MBOAT1: variants seen among roughly 807,000 people sequenced by gnomAD.
The protein encoded by MBOAT1 is membrane-bound glycerophospholipid O-acyltransferase 1.
Under a neutral mutation model 64.4 loss-of-function variants are expected in MBOAT1, and 67 were observed. The ratio of observed to expected loss-of-function variants is 1.04; its 90% CI spans 0.85 to 1.27. The LOEUF (loss-of-function observed/expected upper bound fraction) is 1.27. MBOAT1 is among the 50% of genes most tolerant of loss of function. The probability of loss-of-function intolerance (pLI) is 0.00; values close to 1 mark genes in which losing one functional copy is unlikely to be tolerated. For missense variants in MBOAT1, 563 were observed against 604.6 expected (o/e 0.93, Z 0.72); for synonymous variants, 229 against 218.9 (o/e 1.05, Z -0.41).
chr6:20,191,514 G>A (rs531507657), intron 1 of MBOAT1, among the ~76,000 whole-genome samples: 4 of 152,290 alleles, frequency 2.6e-5, no homozygotes, highest in African/African-American at 9.6e-5. Flanking sequence ...ACCTCAGTTT[G>A]CCAGTGTCCC....
chr6:20,110,139 G>A (rs1760091646), intron 11 of MBOAT1, among the ~76,000 whole-genome samples: 2 of 151,404 alleles, frequency 1.3e-5, no homozygotes, highest in Admixed American at 1.3e-4. Flanking sequence ...TCGAATTCCT[G>A]ACCTTGTGAT....
At chr6:20,175,934 C>A (rs369033317) in intron 1 of MBOAT1, among the ~76,000 whole-genome samples, 175 of 152,238 alleles carry the variant, frequency 1.1e-3, no homozygotes, top group African/African-American at 4.1e-3. Context: ...AATATATATA[C>A]TTTTCTCTTC....
intron 5 of MBOAT1, 88 bp from the exon 6 acceptor site, chr6:20,128,841 C>A: frequency 2.2e-6 from 2 of 898,746 alleles, no homozygotes; most frequent in South Asian, 1.7e-5. Context: ...GTCATTTGAA[C>A]CAGGTAATCT....
rs931639549 is a variant in MBOAT1 at position 20,100,645 on chromosome 6, A to C, written c.*1641T>G. On this transcript the variant is annotated 3_prime_UTR_variant, in exon 13 of 13. Transcript: ENST00000324607. Reference sequence around the variant, plus strand: ...ATCCTAAGAGAAGCAGCAGTAGGACACCTTATGGACCTGTGTCTCTATTGA... The same window carrying C: ...ATCCTAAGAGAAGCAGCAGTAGGACCCCTTATGGACCTGTGTCTCTATTGA... Among the ~76,000 whole-genome samples the C allele has an allele frequency of 2.0e-5, 3 of 152,162 alleles. No homozygotes were observed. The highest frequency in any genetic ancestry group is 6.5e-5 in the Admixed American group (1 of 15,290).
At chr6:20,118,088 G>A (rs928837236) in intron 9 of MBOAT1, among the ~76,000 whole-genome samples, 10 of 152,096 alleles carry the variant, frequency 6.6e-5, no homozygotes, top group East Asian at 1.9e-4. Flanking sequence ...GTCTACATTC[G>A]TCACTGAAAT....
chr6:20,189,250 T>C (rs1263214633), intron 1 of MBOAT1, among the ~76,000 whole-genome samples: 2 of 152,234 alleles, frequency 1.3e-5, no homozygotes, highest in Admixed American at 6.5e-5. Flanking sequence ...TTAATTTTCA[T>C]ATTTTCACTT....
chr6:20,126,790 G>A, intron 6 of MBOAT1, 90 bp from the exon 7 acceptor site: 1 of 928,438 alleles, frequency 1.1e-6, no homozygotes, highest in Non-Finnish European at 1.6e-6. Flanking sequence ...TGTTATCTCT[G>A]TAGATTCGAT....
intron 1 of MBOAT1, among the ~76,000 whole-genome samples, chr6:20,202,605 G>C (rs145502531): frequency 1.4e-5 from 2 of 148,008 alleles, no homozygotes; most frequent in Non-Finnish European, 3.0e-5. Flanking sequence ...TTTATCAAGG[G>C]CTTTTTTTTT....
At chr6:20,163,617 A>G (rs1581435762) in intron 1 of MBOAT1, among the ~76,000 whole-genome samples, 1 of 152,132 alleles carries the variant, frequency 6.6e-6, no homozygotes, top group Non-Finnish European at 1.5e-5. Context: ...CTCAGGCACA[A>G]CCTTCTCGCA....
At chr6:20,115,882 G>C (rs993890270) in intron 9 of MBOAT1, among the ~76,000 whole-genome samples, 1 of 151,882 alleles carries the variant, frequency 6.6e-6, no homozygotes, top group South Asian at 2.1e-4. Flanking sequence ...ATGCATGAAG[G>C]CATCACAGTA....
At chr6:20,110,544 A>ATAT (rs1412966676) in intron 11 of MBOAT1, among the ~76,000 whole-genome samples, 2 of 151,726 alleles carry the variant, frequency 1.3e-5, no homozygotes, top group Non-Finnish European at 2.9e-5. Context: ...AATAATAATA[A>ATAT]TAATAATATG....
At chr6:20,157,337 A>G (rs1217404990) in intron 1 of MBOAT1, among the ~76,000 whole-genome samples, 2 of 152,166 alleles carry the variant, frequency 1.3e-5, no homozygotes, top group Non-Finnish European at 2.9e-5. Flanking sequence ...AAAATGAAAA[A>G]CATTTGAGAT....
At chr6:20,203,087 T>C (rs1763167439) in intron 1 of MBOAT1, among the ~76,000 whole-genome samples, 4 of 152,194 alleles carry the variant, frequency 2.6e-5, no homozygotes, top group African/African-American at 9.7e-5. Context: ...GAGGATCACT[T>C]AAGCCCAGGA....
At chr6:20,168,645 G>GAGAAGAGAAGAGAAGAGAAGAGAAGAGAA (rs1561773422) in intron 1 of MBOAT1, among the ~76,000 whole-genome samples, 4 of 89,104 alleles carry the variant, frequency 4.5e-5, no homozygotes, top group African/African-American at 2.3e-4. Context: ...AGAGAAGAGA[G>GAGAAGAGAAGAGAAGAGAAGAGAAGAGAA]GAGAGGAGAG....
chr6:20,108,440 A>G (rs1365025215), intron 12 of MBOAT1, among the ~76,000 whole-genome samples: 1 of 152,190 alleles, frequency 6.6e-6, no homozygotes, highest in Non-Finnish European at 1.5e-5. Flanking sequence ...CCTAGTATAA[A>G]AGCATATATT....
At chr6:20,160,234 T>G (rs1263755960) in intron 1 of MBOAT1, among the ~76,000 whole-genome samples, 3 of 152,244 alleles carry the variant, frequency 2.0e-5, no homozygotes, top group African/African-American at 7.2e-5. Context: ...TTTGGGGATT[T>G]CTGTTCCATG....
intron 9 of MBOAT1, among the ~76,000 whole-genome samples, chr6:20,116,192 C>T (rs1321773784): frequency 6.6e-6 from 1 of 151,888 alleles, no homozygotes; most frequent in Non-Finnish European, 1.5e-5. Flanking sequence ...GTTAGCCGGG[C>T]CTGGTAGCAG....
At position 20,124,408 on chromosome 6, in the gene MBOAT1, C is replaced by A; in HGVS notation, c.907G>T (p.Ala303Ser). Residue 303 changes from alanine to serine, a missense_variant and splice_region_variant, in exon 8 of 13, where the codon GCT (alanine) becomes TCT (serine). By Grantham distance (99) the Ala-to-Ser change is moderately conservative. Transcript: ENST00000324607. ...KPKYYFAWTL[A>S]DAVNNAAGFG... ...GTTACAGCTACTCCATCAAACTTAC[C>A]TAATGTCCATGCAAAGTAATACTTG... 1 of 1,613,282 alleles carries A rather than the reference C, an allele frequency of 6.2e-7. No individual in the cohort carries two copies. The highest frequency in any genetic ancestry group is 1.1e-5 in the South Asian group (1 of 90,904).
intron 6 of MBOAT1, among the ~76,000 whole-genome samples, chr6:20,128,229 T>C (rs969134983): frequency 6.6e-6 from 1 of 151,948 alleles, no homozygotes; most frequent in African/African-American, 2.4e-5. Flanking sequence ...CCTGTAGCCC[T>C]CCTCCTGTAT....
Sources: gnomAD v4.1 joint callset for allele counts (sites outside exome capture counted in the v4.1 genomes callset) on GRCh38, gnomAD v4.1.1 for gene constraint, MANE v1.5 for transcripts, NCBI Gene and HGNC (gene_info 2026-07-23, HGNC 2026-07-21) for gene names.